LMF1: variants seen among roughly 807,000 people sequenced by gnomAD.
The protein encoded by LMF1 is transmembrane protein 112.
In LMF1, 68 loss-of-function variants were observed where a neutral mutation model predicts 60.6. The ratio of observed to expected loss-of-function variants is 1.12; its 90% CI spans 0.92 to 1.37. LMF1 has a LOEUF of 1.37. LMF1 is among the 40% of genes most tolerant of loss of function. LMF1 has a pLI of 0.00. For missense variants in LMF1, 948 were observed against 767.2 expected, an observed-to-expected ratio of 1.24 and a Z score of -2.78; for synonymous variants, 418 against 324.7, an observed-to-expected ratio of 1.29 and a Z score of -3.09.
chr16:869,490 GCT>G (rs1567151734), intron 9 of LMF1: 1 of 545,432 alleles, frequency 1.8e-6, no homozygotes. Flanking sequence ...GGAAGGCAAC[GCT>G]GCCATCATTT....
At chr16:923,453 T>C (rs2071500577) in intron 3 of LMF1, among the ~76,000 whole-genome samples, 1 of 152,010 alleles carries the variant, frequency 6.6e-6, no homozygotes, top group Admixed American at 6.5e-5. Context: ...CTAAACACCT[T>C]CCCCACTAAA....
chr16:873,202 G>A (rs2151704658), intron 6 of LMF1: 2 of 152,470 alleles, frequency 1.3e-5, no homozygotes, highest in African/African-American at 2.4e-5. Flanking sequence ...AGAGTGCACG[G>A]CCTGAGCGCT....
At chr16:904,392 C>T (rs1356291024) in intron 4 of LMF1, among the ~76,000 whole-genome samples, 1 of 111,268 alleles carries the variant, frequency 9.0e-6, no homozygotes, top group Non-Finnish European at 1.8e-5. Context: ...GTGACCTCTG[C>T]ATCGCCCACA....
At chr16:885,432 A>AAAGGGC (rs1400839153) in intron 5 of LMF1, among the ~76,000 whole-genome samples, 6 of 152,222 alleles carry the variant, frequency 3.9e-5, no homozygotes, top group Non-Finnish European at 5.9e-5. Context: ...ACACCCAGAT[A>AAAGGGC]AAGGGCAGGA....
chr16:955,425 A>G (rs2072669249), intron 1 of LMF1, among the ~76,000 whole-genome samples: 1 of 148,048 alleles, frequency 6.8e-6, no homozygotes, highest in South Asian at 2.1e-4. Flanking sequence ...AGTGAACCAG[A>G]CACGTTACAT....
In LMF1 at chr16:959,306, A is replaced by G. The variant is rs138170146; in HGVS notation, c.194-4640T>C. 5.3e-3 allele frequency among the ~76,000 whole-genome samples: 811 copies of G among 152,344 alleles called. 8 individuals carry two copies. The highest frequency in any genetic ancestry group is 0.018 in the African/African-American group (759 of 41,578). ...TAAGTGCATTTTGCTAAGCAAAAGAATCTAGACCCAACAGGCTATATACTG... is the reference window on the plus strand; with the variant it reads ...TAAGTGCATTTTGCTAAGCAAAAGAGTCTAGACCCAACAGGCTATATACTG... On this transcript the variant is annotated intron_variant, in intron 1 of 10. Coordinates refer to ENST00000262301, the MANE Select transcript of LMF1 (RefSeq NM_022773.4).
intron 1 of LMF1, chr16:979,207 T>C: frequency 4.8e-6 from 2 of 415,676 alleles, no homozygotes; most frequent in Non-Finnish European, 9.8e-6. Flanking sequence ...CTCTCAGGCC[T>C]AGTGGCTCAC....
At chr16:909,974 C>T (rs1215463229) in intron 4 of LMF1, among the ~76,000 whole-genome samples, 1 of 152,212 alleles carries the variant, frequency 6.6e-6, no homozygotes, top group Non-Finnish European at 1.5e-5. Flanking sequence ...GCGAATCCTC[C>T]ACGAAACACT....
chr16:980,216 C>A (rs1044148242), intron 1 of LMF1: 53 of 179,260 alleles, frequency 3.0e-4, no homozygotes, highest in African/African-American at 1.2e-3. Flanking sequence ...AAGGCCCTGG[C>A]CCCCTCAGCT....
chr16:962,495 G>A lies in LMF1; in HGVS notation c.194-7829C>T, dbSNP rs1417333996. ...CACACCTGGCAGGCAGACCTTGGCCGGGTGATCAGAAAGCCGTGCGGACGT... is the reference window on the plus strand; with the variant it reads ...CACACCTGGCAGGCAGACCTTGGCCAGGTGATCAGAAAGCCGTGCGGACGT... On this transcript the variant is annotated intron_variant, in intron 1 of 10. Coordinates refer to ENST00000262301, the MANE Select transcript of LMF1 (RefSeq NM_022773.4). This position sits in a 1 kb window ranked among gnomAD's most constrained non-coding sequence, Gnocchi z 4.5. Among the ~76,000 whole-genome samples, 2 of 152,318 alleles carry A rather than the reference G, an allele frequency of 1.3e-5. No homozygotes were observed. Among genetic ancestry groups the A allele is most frequent in the Admixed American group, 6.5e-5 (1 of 15,308 alleles).
At chr16:936,330 G>A (rs111395204) in intron 2 of LMF1, among the ~76,000 whole-genome samples, 1 of 137,954 alleles carries the variant, frequency 7.2e-6, no homozygotes, top group South Asian at 2.5e-4. Flanking sequence ...GGCTGGGAGA[G>A]AGAGGGGGCA....
intron 4 of LMF1, chr16:902,382 A>T (rs933586091): frequency 8.5e-5 from 13 of 152,996 alleles, no homozygotes; most frequent in African/African-American, 2.9e-4. Flanking sequence ...CCAAGAAGCC[A>T]CTGAGGGAAC....
chr16:946,426 G>A (rs1343634954), intron 2 of LMF1, among the ~76,000 whole-genome samples: 1 of 152,226 alleles, frequency 6.6e-6, no homozygotes, highest in African/African-American at 2.4e-5. Flanking sequence ...CTAGAGAGGA[G>A]GGGGACAAGC....
At chr16:928,850 C>T (rs1405345946) in intron 3 of LMF1, among the ~76,000 whole-genome samples, 1 of 152,234 alleles carries the variant, frequency 6.6e-6, no homozygotes. Context: ...CCAAGTCCAT[C>T]AGGCTAAAAT....
intron 3 of LMF1, among the ~76,000 whole-genome samples, chr16:930,532 G>A (rs2071749919): frequency 6.6e-6 from 1 of 152,194 alleles, no homozygotes; most frequent in African/African-American, 2.4e-5. Flanking sequence ...CAGCCTGGGT[G>A]ACAGAGCAAG....
At chr16:867,158 G>C (rs1381608439) in intron 10 of LMF1, among the ~76,000 whole-genome samples, 1 of 152,234 alleles carries the variant, frequency 6.6e-6, no homozygotes, top group Non-Finnish European at 1.5e-5. Flanking sequence ...CCGTGTGGCA[G>C]TGTTCAATAA....
At chr16:917,841 A>C (rs1445640256) in intron 3 of LMF1, among the ~76,000 whole-genome samples, 1 of 152,252 alleles carries the variant, frequency 6.6e-6, no homozygotes, top group African/African-American at 2.4e-5. Context: ...TCTGGAGTGG[A>C]CTGCAGCTCC....
intron 1 of LMF1, among the ~76,000 whole-genome samples, chr16:957,012 T>C: frequency 6.6e-6 from 1 of 151,456 alleles, no homozygotes; most frequent in East Asian, 1.9e-4. Context: ...CAAAAATTAG[T>C]CGGATGTGGT....
At chr16:972,621 G>A (rs544039838), upstream of LMF1, among the ~76,000 whole-genome samples, 6 of 152,360 alleles carry the variant, frequency 3.9e-5, no homozygotes, top group Admixed American at 6.5e-5. Context: ...GACGGCGAGA[G>A]GGACTGCCCT....
Sources: allele counts gnomAD v4.1 joint callset (sites outside exome capture counted in the v4.1 genomes callset), GRCh38; gene constraint gnomAD v4.1.1; non-coding constraint Gnocchi (gnomAD v3.1); transcripts MANE v1.5; gene names NCBI Gene and HGNC (gene_info 2026-07-23, HGNC 2026-07-21).